PRRC1: variants seen among roughly 807,000 people sequenced by gnomAD.
The protein encoded by PRRC1 is protein PRRC1.
A neutral mutation model predicts 40.7 loss-of-function variants in PRRC1; 39 were observed. The ratio of observed to expected loss-of-function variants is 0.96; its 90% confidence interval spans 0.74 to 1.25. PRRC1 has a LOEUF of 1.25. Ranked by LOEUF, PRRC1 falls within the 50% of genes most tolerant of loss-of-function variation. The probability of loss-of-function intolerance (pLI) is 0.00; values close to 1 mark genes in which losing one functional copy is unlikely to be tolerated. For missense variants in PRRC1, 573 were observed against 548.3 expected, an observed-to-expected ratio of 1.05 and a Z score of -0.45; for synonymous variants, 175 against 193.3, an observed-to-expected ratio of 0.91 and a Z score of 0.79.
In PRRC1 at chr5:127,523,528, C is replaced by T; in HGVS notation, c.49C>T (p.Pro17Ser). The T allele has an allele frequency of 6.2e-7, 1 of 1,613,272 alleles. No homozygotes were observed. Among genetic ancestry groups the T allele is most frequent in the Non-Finnish European group, 8.5e-7 (1 of 1,179,764 alleles). The part of the protein sequence containing the change: ...IETTPPGTPP[P>S]NPAGLAATAM... ...GACAACACCACCTGGGACTCCTCCA[C>T]CAAATCCTGCAGGGCTGGCTGCTAC... The change falls in exon 2 of 9, where the codon CCA (proline) becomes TCA (serine). Residue 17 changes from proline (P) to serine (S), a missense_variant. Transcript: ENST00000296666.
In PRRC1 at chr5:127,551,865, C is replaced by T. The variant is rs1222967797; in HGVS notation, c.1287C>T (p.Ala429=). ...MSRRQMIYSA[A]RAIAGMYKQR... is the part of the protein sequence containing the mutation. ...GTCGGCAGATGATCTACAGTGCAGC[C>T]AGAGCGATAGCGGGCATGTATAAAC... The change falls in exon 9 of 9, where the codon GCC becomes GCT. Residue 429 remains alanine, a synonymous_variant. Coordinates refer to ENST00000296666, the MANE Select transcript of PRRC1 (RefSeq NM_130809.5). 6.2e-7 allele frequency: 1 copy of T among 1,614,042 alleles called. No homozygotes were observed. Among genetic ancestry groups the T allele is most frequent in the South Asian group, 1.1e-5 (1 of 91,070 alleles).
intron 6 of PRRC1, among the ~76,000 whole-genome samples, chr5:127,536,400 G>C (rs1205417082): frequency 1.3e-5 from 2 of 151,970 alleles, no homozygotes; most frequent in Non-Finnish European, 2.9e-5. Context: ...ATTCATACGG[G>C]CGATTTTTAC....
chr5:127,521,621 G>A (rs563312012), intron 1 of PRRC1, among the ~76,000 whole-genome samples: 24 of 152,136 alleles, frequency 1.6e-4, no homozygotes, highest in Admixed American at 6.5e-4. Flanking sequence ...TTGTGGCACC[G>A]AAAATTTATT....
intron 5 of PRRC1, among the ~76,000 whole-genome samples, chr5:127,531,924 G>A (rs1023039160): frequency 6.6e-6 from 1 of 151,896 alleles, no homozygotes; most frequent in Non-Finnish European, 1.5e-5. Flanking sequence ...CAAGAAAAAT[G>A]TGTAACACCG....
intron 6 of PRRC1, among the ~76,000 whole-genome samples, chr5:127,537,390 C>G (rs2127104685): frequency 6.6e-6 from 1 of 151,920 alleles, no homozygotes; most frequent in East Asian, 1.9e-4. Context: ...GTATTTGTAA[C>G]TCCAAAAGAG....
chr5:127,528,564 G>A (rs9327445), intron 4 of PRRC1, among the ~76,000 whole-genome samples: 3,206 of 152,032 alleles, frequency 0.021, 107 homozygotes, highest in African/African-American at 0.072. Flanking sequence ...CGATCTGCCC[G>A]CCTCGCCTCC....
At chr5:127,520,892 A>G (rs1767441637) in intron 1 of PRRC1, among the ~76,000 whole-genome samples, 1 of 152,248 alleles carries the variant, frequency 6.6e-6, no homozygotes, top group Non-Finnish European at 1.5e-5. Flanking sequence ...TAGTTATGTA[A>G]GATGCTGTTA....
chr5:127,550,089 TA>T (rs1349558304), intron 8 of PRRC1: 3 of 151,890 alleles, frequency 2.0e-5, no homozygotes, highest in Non-Finnish European at 2.9e-5. Flanking sequence ...GTGTGTGCTT[TA>T]AAATTTTAAT....
In PRRC1 at chr5:127,554,321, G is replaced by A. The variant is rs1187344274; in HGVS notation, c.*2405G>A. The A allele has an allele frequency of 6.5e-6, 1 of 153,136 alleles. No homozygotes were observed. The highest frequency in any genetic ancestry group is 6.5e-5 in the Admixed American group (1 of 15,322). The allele number at this position is 153,136 out of a possible 1,614,324, so 9.5% of individuals were successfully genotyped here. A position where few individuals can be genotyped will look rare whatever the true frequency, so the allele number is the denominator to read the frequency against. On this transcript the variant is annotated 3_prime_UTR_variant, in exon 9 of 9. Coordinates refer to ENST00000296666, the MANE Select transcript of PRRC1 (RefSeq NM_130809.5). The stretch of plus-strand genomic sequence containing the variant: ...TTGCTTTTGTTCTCCCTCTGTCTTA[G>A]GAAAAGCCATCTTTAATATAGTTCT...
In PRRC1 at chr5:127,554,830, A is replaced by G. The variant is rs1768484960; in HGVS notation, c.*2914A>G. The G allele has an allele frequency of 6.6e-6, 1 of 152,652 alleles. No individual in the cohort carries two copies. The highest frequency in any genetic ancestry group is 2.4e-5 in the African/African-American group (1 of 41,474). 9.5% of individuals were successfully genotyped at this position (152,652 alleles called of 1,614,324 possible). The stretch of plus-strand genomic sequence containing the variant: ...GTAATTACTCAGGGTTAACTAAATT[A>G]CTTTAATATGCTGTTGAATCTACTC... On this transcript the variant is annotated 3_prime_UTR_variant, in exon 9 of 9. Coordinates refer to ENST00000296666, the MANE Select transcript of PRRC1 (RefSeq NM_130809.5).
In PRRC1 at chr5:127,539,017, T is replaced by C. The variant is rs748501369; in HGVS notation, c.922-23T>C. ...ATATGTAATAATTTGAAATGGTCTCTAACCTCTGCCATTGTTGTTTAGGGT... is the reference window on the plus strand; with the variant it reads ...ATATGTAATAATTTGAAATGGTCTCCAACCTCTGCCATTGTTGTTTAGGGT... On this transcript the variant is annotated intron_variant, in intron 6 of 8. Coordinates refer to ENST00000296666, the MANE Select transcript of PRRC1 (RefSeq NM_130809.5). 18 of 1,576,168 alleles carry C rather than the reference T, an allele frequency of 1.1e-5. No homozygotes were observed. The South Asian group carries it at 2.0e-4, about 18-fold the overall frequency.
At chr5:127,523,854 G>A in intron 2 of PRRC1, 1 of 288,376 alleles carries the variant, frequency 3.5e-6, no homozygotes, top group Non-Finnish European at 6.3e-6. Context: ...ATCCTAAAAA[G>A]CATGTGTTAG....
intron 8 of PRRC1, 68 bp from the exon 9 acceptor site, chr5:127,551,639 C>T: frequency 6.9e-7 from 1 of 1,459,096 alleles, no homozygotes; most frequent in South Asian, 1.2e-5. Context: ...TTTGAAATGT[C>T]ACTTATAGCT....
intron 5 of PRRC1, among the ~76,000 whole-genome samples, chr5:127,532,104 T>G (rs1270162549): frequency 1.3e-5 from 2 of 149,718 alleles, no homozygotes; most frequent in Non-Finnish European, 3.0e-5. Flanking sequence ...ATCTTAAGGT[T>G]TTTTTTTTTG....
chr5:127,537,675 A>G (rs1293158614), intron 6 of PRRC1, among the ~76,000 whole-genome samples: 1 of 152,064 alleles, frequency 6.6e-6, no homozygotes, highest in East Asian at 1.9e-4. Context: ...CATAGCTGAG[A>G]TATCACCTGC....
intron 5 of PRRC1, among the ~76,000 whole-genome samples, chr5:127,532,492 A>G (rs1044331320): frequency 6.6e-6 from 1 of 152,232 alleles, no homozygotes; most frequent in Non-Finnish European, 1.5e-5. Flanking sequence ...AAGTATTAGA[A>G]ATGGCAGGAC....
intron 7 of PRRC1, among the ~76,000 whole-genome samples, chr5:127,547,466 T>A (rs970372849): frequency 6.6e-6 from 1 of 152,132 alleles, no homozygotes; most frequent in Non-Finnish European, 1.5e-5. Flanking sequence ...AAGTGACAAT[T>A]GAAAAATATT....
intron 7 of PRRC1, among the ~76,000 whole-genome samples, chr5:127,545,406 G>C (rs1250422421): frequency 6.6e-6 from 1 of 152,054 alleles, no homozygotes; most frequent in African/African-American, 2.4e-5. Context: ...AACAATGATA[G>C]ACTGGATTAA....
intron 7 of PRRC1, 48 bp from the exon 8 acceptor site, chr5:127,547,771 A>C (rs556165057): frequency 8.0e-7 from 1 of 1,252,678 alleles, no homozygotes; most frequent in Non-Finnish European, 1.2e-6. Context: ...ATTCATGATA[A>C]GTTTTATTTG....
Sources: gnomAD v4.1 joint callset for allele counts (sites outside exome capture counted in the v4.1 genomes callset) on GRCh38, gnomAD v4.1.1 for gene constraint, MANE v1.5 for transcripts, NCBI Gene and HGNC (gene_info 2026-07-23, HGNC 2026-07-21) for gene names.